DCC: variants seen among roughly 807,000 people sequenced by gnomAD.
The protein encoded by DCC is DCC netrin 1 receptor, also known as netrin receptor DCC.
DCC carries 58 observed loss-of-function variants against 172.5 expected under a neutral mutation model. The ratio of observed to expected loss-of-function variants is 0.34; its 90% CI spans 0.27 to 0.42. The LOEUF is 0.42. Ranked by LOEUF, DCC falls within the 10% of genes least tolerant of loss-of-function variation. The pLI, the probability that DCC is intolerant of heterozygous loss-of-function variation, is 1.00. For synonymous variants in DCC, 709 were observed against 644.5 expected (o/e 1.10, Z -1.52); for missense variants, 1,740 against 1,791.0 (o/e 0.97, Z 0.51).
rs146252744 is a variant in DCC, at chr18:53,209,603, C to T, written c.1861+1786C>T. ...GTACAAAGAGAACACAGGAATAATG[C>T]TCATTTGCAAATTCAACTTTAAAAT... On this transcript the variant is annotated intron_variant, in intron 11 of 28. Coordinates refer to ENST00000442544, the MANE Select transcript of DCC (RefSeq NM_005215.4). Among the ~76,000 whole-genome samples, 706 of 152,238 alleles carry T rather than the reference C, an allele frequency of 4.6e-3. 4 individuals are homozygous for T. The highest frequency in any genetic ancestry group is 7.6e-3 in the Non-Finnish European group (519 of 68,008).
At chr18:53,328,116 A>G (rs191137926) in intron 14 of DCC, among the ~76,000 whole-genome samples, 44 of 152,340 alleles carry the variant, frequency 2.9e-4, no homozygotes, top group African/African-American at 9.9e-4. Flanking sequence ...TCAGAATCTC[A>G]AAGTTCCACT....
intron 1 of DCC, among the ~76,000 whole-genome samples, chr18:52,570,480 AG>A (rs947753516): frequency 1.2e-4 from 18 of 152,294 alleles, no homozygotes; most frequent in African/African-American, 4.3e-4. Flanking sequence ...TTGGTATTTG[AG>A]GGGGAAGATG....
intron 5 of DCC, among the ~76,000 whole-genome samples, chr18:53,013,698 TAAA>T (rs772056355): frequency 7.4e-6 from 1 of 135,968 alleles, no homozygotes; most frequent in African/African-American, 2.7e-5. Flanking sequence ...TCCCAGAACT[TAAA>T]AAAAAAAAAA....
chr18:52,761,384 T>C (rs1245913462), intron 2 of DCC, among the ~76,000 whole-genome samples: 1 of 152,226 alleles, frequency 6.6e-6, no homozygotes, highest in African/African-American at 2.4e-5. Flanking sequence ...TCAGTCATTA[T>C]GCCTATCATT....
chr18:53,312,001 A>G (rs1011654551), intron 13 of DCC, among the ~76,000 whole-genome samples: 1 of 152,108 alleles, frequency 6.6e-6, no homozygotes, highest in Non-Finnish European at 1.5e-5. Flanking sequence ...CTATTGGACA[A>G]TAAAACTTAA....
At chr18:53,217,604 GA>G (rs1322417360) in intron 12 of DCC, among the ~76,000 whole-genome samples, 1 of 151,996 alleles carries the variant, frequency 6.6e-6, no homozygotes, top group African/African-American at 2.4e-5. Context: ...CAAGAGAAAA[GA>G]AACTGGATGA....
chr18:53,463,447 C>T (rs1411804086), intron 24 of DCC, among the ~76,000 whole-genome samples: 1 of 152,056 alleles, frequency 6.6e-6, no homozygotes, highest in African/African-American at 2.4e-5. Context: ...GTATTCTTCT[C>T]TCCTGCTTAA....
chr18:53,203,387 AC>A (rs1223624123), intron 9 of DCC, among the ~76,000 whole-genome samples: 2 of 152,076 alleles, frequency 1.3e-5, no homozygotes, highest in African/African-American at 4.8e-5. Context: ...ATTATTTAAT[AC>A]CTTTTTAATG....
At chr18:52,977,694 G>T (rs1213975408) in intron 5 of DCC, among the ~76,000 whole-genome samples, 3 of 151,816 alleles carry the variant, frequency 2.0e-5, no homozygotes, top group Non-Finnish European at 4.4e-5. Context: ...GACCATCCTG[G>T]CTAACATGGT....
intron 7 of DCC, among the ~76,000 whole-genome samples, chr18:53,119,735 G>A (rs2043456672): frequency 6.6e-6 from 1 of 151,662 alleles, no homozygotes; most frequent in Non-Finnish European, 1.5e-5. Context: ...TCACATTGTT[G>A]TAGTTTCCAG....
At chr18:53,167,203 T>G (rs2144427984) in intron 8 of DCC, among the ~76,000 whole-genome samples, 1 of 152,328 alleles carries the variant, frequency 6.6e-6, no homozygotes. Context: ...TCTGAGGCAC[T>G]TAGGCAAGAT....
At chr18:52,878,161 C>T (rs1248838252) in intron 2 of DCC, among the ~76,000 whole-genome samples, 3 of 152,196 alleles carry the variant, frequency 2.0e-5, no homozygotes, top group Non-Finnish European at 4.4e-5. Context: ...CAAACTGACA[C>T]AGTTCACACT....
At chr18:53,381,138 TGAC>T (rs1907696626) in intron 15 of DCC, among the ~76,000 whole-genome samples, 1 of 47,806 alleles carries the variant, frequency 2.1e-5, no homozygotes, top group Admixed American at 1.6e-4. Flanking sequence ...GAAGAAATGA[TGAC>T]TGCTTCAGAT....
intron 3 of DCC, among the ~76,000 whole-genome samples, chr18:52,915,125 A>C (rs1219392714): frequency 6.6e-6 from 1 of 152,144 alleles, no homozygotes; most frequent in Non-Finnish European, 1.5e-5. Flanking sequence ...AACAGTCCAT[A>C]ATTTAATTTC....
At chr18:53,483,635 T>A (rs1041515463) in intron 25 of DCC, among the ~76,000 whole-genome samples, 1 of 151,880 alleles carries the variant, frequency 6.6e-6, no homozygotes. Flanking sequence ...TGTTTGTGGG[T>A]CTTTTTTTGA....
intron 23 of DCC, among the ~76,000 whole-genome samples, chr18:53,451,587 C>T (rs2045413475): frequency 6.6e-6 from 1 of 152,168 alleles, no homozygotes; most frequent in Non-Finnish European, 1.5e-5. Context: ...CATGACATTA[C>T]CTCTGAAAGC....
intron 8 of DCC, among the ~76,000 whole-genome samples, chr18:53,166,407 G>C (rs1478601005): frequency 6.6e-6 from 1 of 152,158 alleles, no homozygotes; most frequent in Non-Finnish European, 1.5e-5. Context: ...TATCAGGAAT[G>C]TGTCAGCATG....
In DCC at chr18:52,846,608, AACACACACACACACACAC is replaced by A. The variant is rs71175524; in HGVS notation, c.413-59409_413-59392del. 1.3e-3 allele frequency among the ~76,000 whole-genome samples: 168 copies of A among 130,588 alleles called. 1 individual carries two copies. Among genetic ancestry groups the A allele is most frequent in the African/African-American group, 4.7e-3 (158 of 33,888 alleles). The allele number at this position is 130,588 out of a possible 152,430, so 85.7% of individuals were successfully genotyped here. On this transcript the variant is annotated intron_variant, in intron 2 of 28. Transcript: ENST00000442544. ...TCTATCTCCCCCTTCTGCCACTCCAAACACACACACACACACACACACACACACACACACACACACACA... is the reference window on the plus strand; with the variant it reads ...TCTATCTCCCCCTTCTGCCACTCCAAACACACACACACACACACACACACA...
chr18:52,564,760 T>G (rs2033118417), intron 1 of DCC, among the ~76,000 whole-genome samples: 1 of 151,926 alleles, frequency 6.6e-6, no homozygotes, highest in Admixed American at 6.6e-5. Flanking sequence ...TACATAAAAT[T>G]TCAAGGATTT....
Sources: allele counts gnomAD v4.1 joint callset (sites outside exome capture counted in the v4.1 genomes callset), GRCh38; gene constraint gnomAD v4.1.1; transcripts MANE v1.5; gene names NCBI Gene and HGNC (gene_info 2026-07-23, HGNC 2026-07-21).